The following PXDN variants were observed in gnomAD, a reference collection of about 807,000 sequenced individuals.
PXDN encodes the protein peroxidasin, also known as peroxidasin homolog.
PXDN carries 77 observed loss-of-function variants against 140.3 expected under a neutral mutation model. The observed-to-expected ratio is 0.55, with a 90% CI of 0.46 to 0.66. PXDN has a LOEUF of 0.66. Ranked by LOEUF, PXDN falls within the 30% of genes least tolerant of loss-of-function variation. The pLI is 0.00. For missense variants in PXDN, 1,838 were observed against 2,039.5 expected (o/e 0.90, Z 1.90); for synonymous variants, 911 against 857.4 (o/e 1.06, Z -1.09).
chr2:1,712,155 A>G (rs1684800774), intron 1 of PXDN, among the ~76,000 whole-genome samples: 1 of 152,246 alleles, frequency 6.6e-6, no homozygotes, highest in African/African-American at 2.4e-5. Context: ...AAAGCATAGG[A>G]CAGAAAGCTA....
At position 1,643,381 on chromosome 2, in the gene PXDN, C is replaced by A; in HGVS notation, c.3939G>T (p.Gln1313His). ...EIPRVDLRVWQDCCEDCRTRG... is the reference protein window; with the variant it reads ...EIPRVDLRVWHDCCEDCRTRG... ...CCTGGCACGCACCTTCACAGCAGTC[C>A]TGCCACACCCGGAGGTCTACCCTGG... The change falls in exon 19 of 23, where the codon CAG becomes CAT. Residue 1313 changes from glutamine to histidine, a missense_variant. Gln to His is a conservative substitution (Grantham distance 24). Coordinates refer to ENST00000252804, the MANE Select transcript of PXDN (RefSeq NM_012293.3). 6.2e-7 allele frequency: 1 copy of A among 1,613,806 alleles called. No individual in the cohort carries two copies. Among genetic ancestry groups the A allele is most frequent in the Non-Finnish European group, 8.5e-7 (1 of 1,179,880 alleles).
Position 1,654,493 on chromosome 2 carries a change from C to A in PXDN, c.1853G>T (p.Arg618Leu), listed in dbSNP as rs768133091. Residue 618 changes from arginine (R) to leucine (L), a missense_variant, in exon 15 of 23, where the codon CGA (arginine) becomes CTA (leucine). Transcript: ENST00000252804. ...VLSVNVPDVS[R>L]NGDPFVATSI... ...GGTAGCTACAAACGGATCTCCATTT[C>A]GACTGACGTCAGGAACTAGGAAAAT... 28 of 1,612,766 alleles carry A rather than the reference C, an allele frequency of 1.7e-5. No individual in the cohort carries two copies. The highest frequency in any genetic ancestry group is 2.3e-5 in the Non-Finnish European group (27 of 1,178,846).
At chr2:1,717,705 T>C (rs550144186) in intron 1 of PXDN, among the ~76,000 whole-genome samples, 95 of 152,154 alleles carry the variant, frequency 6.2e-4, no homozygotes, top group Non-Finnish European at 1.0e-3. Context: ...TCTACTAACC[T>C]ACCCTACTAA....
intron 1 of PXDN, among the ~76,000 whole-genome samples, chr2:1,710,823 ACT>A (rs1464007114): frequency 1.8e-4 from 3 of 17,042 alleles, no homozygotes; most frequent in Non-Finnish European, 1.9e-4. Flanking sequence ...ACCAGCACCC[ACT>A]CTCCACCAGC....
Position 1,639,336 on chromosome 2 carries a change from G to T in PXDN, c.4039C>A (p.Pro1347Thr). The T allele has an allele frequency of 6.2e-7, 1 of 1,613,920 alleles. No individual in the cohort carries two copies. Among genetic ancestry groups the T allele is most frequent in the Non-Finnish European group, 8.5e-7 (1 of 1,179,860 alleles). The change falls in exon 20 of 23, where the codon CCG becomes ACG. Residue 1347 changes from proline (P) to threonine (T), a missense_variant. By Grantham distance (38) the Pro-to-Thr change is conservative. This residue lies in a region of PXDN where 850 missense variants were observed against 894.1 expected (regional missense o/e 0.95). Transcript: ENST00000252804. The surrounding 1 kb of genome is among the most constrained non-coding windows in gnomAD (Gnocchi z 5.0). Reference protein sequence around the residue: ...SLEFSYQEDKPTKKTRPRKIP... With the variant: ...SLEFSYQEDKTTKKTRPRKIP... ...TTCCGTGGTCTTGTTTTCTTGGTCG[G>T]CTTGTCCTCCTGGTAGCTGAACTCA...
At chr2:1,717,351 CG>C (rs1684919569) in intron 1 of PXDN, among the ~76,000 whole-genome samples, 1 of 152,108 alleles carries the variant, frequency 6.6e-6, no homozygotes, top group Non-Finnish European at 1.5e-5. Context: ...CTCGGTTCTG[CG>C]GATCAGTCCA....
In PXDN at chr2:1,692,666, C is replaced by T. The variant is rs766749908; in HGVS notation, c.272+397G>A. 4.9e-5 allele frequency: 23 copies of T among 467,348 alleles called. 1 individual carries two copies. The highest frequency in any genetic ancestry group is 2.4e-5 in the Admixed American group (1 of 42,504). The allele number at this position is 467,348 out of a possible 1,614,324, so 29.0% of individuals were successfully genotyped here. ...CCAGGCATCATGGGACTGCCTTGAA[C>T]CCTCACTTAAGTCCACTCCACACTC... is the stretch of plus-strand genomic sequence containing the variant. On this transcript the variant is annotated intron_variant, in intron 2 of 22. Coordinates refer to ENST00000252804, the MANE Select transcript of PXDN (RefSeq NM_012293.3).
intron 1 of PXDN, among the ~76,000 whole-genome samples, chr2:1,699,301 T>C (rs911831518): frequency 3.9e-5 from 6 of 152,366 alleles, no homozygotes; most frequent in East Asian, 3.9e-4. Flanking sequence ...CTAAAGATTA[T>C]GTTATAAAGT....
chr2:1,700,743 C>T (rs753265234), intron 1 of PXDN, among the ~76,000 whole-genome samples: 34 of 151,992 alleles, frequency 2.2e-4, no homozygotes, highest in Non-Finnish European at 4.6e-4. Flanking sequence ...GGCGTGGTGG[C>T]GCACACCTGT....
chr2:1,660,274 C>T lies in PXDN; in HGVS notation c.1837+607G>A, dbSNP rs949467922. On this transcript the variant is annotated intron_variant, in intron 14 of 22. Transcript: ENST00000252804. The surrounding 1 kb of genome is among the most constrained non-coding windows in gnomAD (Gnocchi z 4.6). ...GCCAGAGTGACCCGGGCCTCTGTTA[C>T]AAGAACCCGGACAAGATGCCAAGGG... 4.6e-5 allele frequency among the ~76,000 whole-genome samples: 7 copies of T among 152,138 alleles called. No homozygotes were observed. The highest frequency in any genetic ancestry group is 7.3e-5 in the Non-Finnish European group (5 of 68,038).
intron 12 of PXDN, among the ~76,000 whole-genome samples, chr2:1,662,526 C>T (rs1352701638): frequency 6.6e-6 from 1 of 152,218 alleles, no homozygotes; most frequent in East Asian, 1.9e-4. Flanking sequence ...GGGGCAGTCT[C>T]AGGCATATGC....
chr2:1,698,448 C>T (rs191488008), intron 1 of PXDN, among the ~76,000 whole-genome samples: 66 of 152,152 alleles, frequency 4.3e-4, no homozygotes, highest in Non-Finnish European at 8.1e-4. Context: ...GGGAAATGGT[C>T]GAGCACACTA....
chr2:1,667,430 A>G (rs1317856823), intron 9 of PXDN, among the ~76,000 whole-genome samples: 2 of 152,194 alleles, frequency 1.3e-5, no homozygotes, highest in Non-Finnish European at 2.9e-5. Context: ...ATGAACTAGA[A>G]AATCTGGAAG....
In PXDN at chr2:1,669,372, A is replaced by G. The variant is rs113258301; in HGVS notation, c.1019-2886T>C. Among the ~76,000 whole-genome samples, 1,452 of 152,276 alleles carry G rather than the reference A, an allele frequency of 9.5e-3. 31 individuals carry two copies. Among genetic ancestry groups the G allele is most frequent in the African/African-American group, 0.032 (1,349 of 41,562 alleles). On this transcript the variant is annotated intron_variant, in intron 9 of 22. Coordinates refer to ENST00000252804, the MANE Select transcript of PXDN (RefSeq NM_012293.3). ...GCCTGTCGGGCTTAAAACCTAGATG[A>G]CAGGTTGATAGGTGGCAGCAAACTA... is the stretch of plus-strand genomic sequence containing the variant.
In PXDN at chr2:1,673,686, C is replaced by G; in HGVS notation, c.975G>C (p.Glu325Asp). ...YQCMAKNVAG[E>D]VKTQEVTLRY... ...TGAGGGTCACCTCTTGCGTCTTCAC[C>G]TCTCCGGCCACGTTCTTTGCCATGC... Residue 325 changes from glutamate (E) to aspartate (D), a missense_variant, in exon 9 of 23, where the codon GAG becomes GAC. By Grantham distance (45) the Glu-to-Asp change is conservative. Coordinates refer to ENST00000252804, the MANE Select transcript of PXDN (RefSeq NM_012293.3). 1.9e-6 allele frequency: 3 copies of G among 1,613,942 alleles called. No individual in the cohort carries two copies. The highest frequency in any genetic ancestry group is 2.5e-6 in the Non-Finnish European group (3 of 1,179,836).
intron 1 of PXDN, among the ~76,000 whole-genome samples, chr2:1,743,658 G>GGA: frequency 7.4e-6 from 1 of 134,310 alleles, no homozygotes; most frequent in Non-Finnish European, 1.6e-5. Flanking sequence ...GGGGGAGGAG[G>GGA]AGGGGAAGGG....
intron 6 of PXDN, among the ~76,000 whole-genome samples, chr2:1,681,203 C>G (rs77427271): frequency 1.3e-5 from 2 of 152,046 alleles, no homozygotes; most frequent in Non-Finnish European, 2.9e-5. Flanking sequence ...CCATTTGCGG[C>G]GGGGAGAAGC....
intron 14 of PXDN, among the ~76,000 whole-genome samples, chr2:1,657,689 G>A (rs1283374769): frequency 6.7e-6 from 1 of 149,312 alleles, no homozygotes; most frequent in East Asian, 2.0e-4. Context: ...AGCCCCTCCT[G>A]TGTGAAACCT....
chr2:1,703,444 A>G (rs1301958593), intron 1 of PXDN, among the ~76,000 whole-genome samples: 6 of 33,906 alleles, frequency 1.8e-4, no homozygotes, highest in Admixed American at 3.2e-4. Context: ...GAAGCGGGGG[A>G]CAACTCCCGG....
Sources: allele counts gnomAD v4.1 joint callset (sites outside exome capture counted in the v4.1 genomes callset), GRCh38; gene constraint gnomAD v4.1.1; regional missense constraint gnomAD v4.1.1; non-coding constraint Gnocchi (gnomAD v3.1); transcripts MANE v1.5; gene names NCBI Gene and HGNC (gene_info 2026-07-23, HGNC 2026-07-21).